Variants in ARSG observed in about 807,000 individuals in gnomAD.
ARSG encodes arylsulfatase G.
A neutral mutation model predicts 50.5 loss-of-function variants in ARSG; 37 were observed. The ratio of observed to expected loss-of-function variants is 0.73; its 90% CI spans 0.56 to 0.96. ARSG has a LOEUF of 0.96. Among genes scored for constraint, ARSG ranks in the 50% least tolerant of loss-of-function variants. The pLI is 0.00. For missense variants in ARSG, 629 were observed against 675.3 expected (o/e 0.93, Z 0.76); for synonymous variants, 225 against 254.6 (o/e 0.88, Z 1.11).
At chr17:68,408,694 C>T (rs1392672193) in intron 11 of ARSG, among the ~76,000 whole-genome samples, 3 of 151,988 alleles carry the variant, frequency 2.0e-5, no homozygotes, top group Non-Finnish European at 2.9e-5. Flanking sequence ...CCTGAGGAAT[C>T]GCCACACTGA....
Position 68,376,569 on chromosome 17 carries a change from G to A in ARSG, c.982+6045G>A, listed in dbSNP as rs542592960. ...GCCTCCCAAAATGTTGGGATTACAG[G>A]TGTGAGCCACTGCACCTGTCCTATG... On this transcript the variant is annotated intron_variant, in intron 8 of 11. Coordinates refer to ENST00000621439, the MANE Select transcript of ARSG (RefSeq NM_001267727.2). 4.3e-4 allele frequency among the ~76,000 whole-genome samples: 65 copies of A among 151,964 alleles called. No homozygotes were observed. The Middle Eastern group carries it at 0.01, about 24-fold the overall frequency.
At chr17:68,304,777 G>A (rs1016256086) in intron 1 of ARSG, among the ~76,000 whole-genome samples, 4 of 152,184 alleles carry the variant, frequency 2.6e-5, no homozygotes, top group East Asian at 3.8e-4. Context: ...TAATCCTTCC[G>A]CCTCGGCCTC....
At chr17:68,403,955 G>C (rs184188115) in intron 11 of ARSG, among the ~76,000 whole-genome samples, 326 of 152,058 alleles carry the variant, frequency 2.1e-3, no homozygotes, top group African/African-American at 7.3e-3. Flanking sequence ...GAGAACATGT[G>C]GTGTTTGTTT....
chr17:68,413,524 A>T (rs1468732297), intron 11 of ARSG: 1 of 152,098 alleles, frequency 6.6e-6, no homozygotes, highest in Non-Finnish European at 1.5e-5. Context: ...CAAAGCTGTC[A>T]GACAGGGACA....
chr17:68,275,808 C>G (rs1056278801), intron 1 of ARSG, among the ~76,000 whole-genome samples: 1 of 151,778 alleles, frequency 6.6e-6, no homozygotes, highest in Non-Finnish European at 1.5e-5. Flanking sequence ...AGCAAAACCC[C>G]GTCTCTACTA....
At chr17:68,351,771 G>A in intron 5 of ARSG, 85 bp downstream of exon 5, 2 of 880,562 alleles carry the variant, frequency 2.3e-6, no homozygotes, top group Non-Finnish European at 3.8e-6. Context: ...AATTAAAGAT[G>A]CAGACAGGAA....
In ARSG at chr17:68,420,308, T is replaced by A. The variant is rs1464297373; in HGVS notation, c.1423T>A (p.Tyr475Asn). The change falls in exon 12 of 12, where the codon TAC (tyrosine) becomes AAC (asparagine). Residue 475 changes from tyrosine (Y) to asparagine (N), a missense_variant. Physicochemically the swap from Tyr to Asn is moderately radical, Grantham distance 143 (BLOSUM62 -2). Transcript: ENST00000621439. ...AVPLERGGAE[Y>N]QAVLPEVRKV... The stretch of plus-strand genomic sequence containing the variant: ...GCCCCTAGAAAGAGGTGGTGCGGAG[T>A]ACCAGGCTGTGCTGCCCGAGGTCAG... The A allele has an allele frequency of 6.2e-7, 1 of 1,613,734 alleles. No individual in the cohort carries two copies. Among genetic ancestry groups the A allele is most frequent in the Non-Finnish European group, 8.5e-7 (1 of 1,179,980 alleles).
intron 2 of ARSG, among the ~76,000 whole-genome samples, chr17:68,342,361 T>G (rs2078307716): frequency 2.1e-5 from 3 of 144,250 alleles, no homozygotes; most frequent in Non-Finnish European, 3.1e-5. Flanking sequence ...TGTATGTGTT[T>G]TTTTTTTTTT....
chr17:68,449,510 A>G, the ARSG span, among the ~76,000 whole-genome samples: 4 of 152,328 alleles, frequency 2.6e-5, no homozygotes, highest in East Asian at 7.7e-4. Flanking sequence ...TGTAATCTTC[A>G]GTGTTGGAGG....
At chr17:68,435,727 G>A in the ARSG span, 2 of 1,612,750 alleles carry the variant, frequency 1.2e-6, no homozygotes, top group South Asian at 2.2e-5. Flanking sequence ...TGGTGAAAAG[G>A]AAAAATGGAT....
chr17:68,320,385 A>G (rs564393772), intron 2 of ARSG, among the ~76,000 whole-genome samples: 2 of 152,258 alleles, frequency 1.3e-5, no homozygotes, highest in East Asian at 3.9e-4. Flanking sequence ...ATTATCTGTT[A>G]AGACTTGAAT....
At chr17:68,413,235 T>C (rs2082122642) in intron 11 of ARSG, among the ~76,000 whole-genome samples, 1 of 152,274 alleles carries the variant, frequency 6.6e-6, no homozygotes, top group East Asian at 1.9e-4. Context: ...CTCTGTTTTT[T>C]CCCCATCTTT....
chr17:68,320,478 A>C (rs1392643268), intron 2 of ARSG, among the ~76,000 whole-genome samples: 4 of 152,120 alleles, frequency 2.6e-5, no homozygotes, highest in African/African-American at 7.2e-5. Context: ...GATTCCTAGG[A>C]TCTCCCTCGG....
chr17:68,325,287 A>G (rs562021011), intron 2 of ARSG, among the ~76,000 whole-genome samples: 1 of 151,834 alleles, frequency 6.6e-6, no homozygotes, highest in South Asian at 2.1e-4. Context: ...TCCTTATAAG[A>G]ATCTAATGCC....
In ARSG at chr17:68,378,012, G is replaced by A. The variant is rs999174665; in HGVS notation, c.983-7052G>A. Among the ~76,000 whole-genome samples the A allele has an allele frequency of 6.6e-6, 1 of 152,176 alleles. No individual in the cohort carries two copies. The highest frequency in any genetic ancestry group is 2.4e-5 in the African/African-American group (1 of 41,446). On this transcript the variant is annotated intron_variant, in intron 8 of 11. Coordinates refer to ENST00000621439, the MANE Select transcript of ARSG (RefSeq NM_001267727.2). The surrounding 1 kb of genome is among the most constrained non-coding windows in gnomAD (Gnocchi z 4.4). ...CTTCTTCTTCCTCAGTCTCCAAAGC[G>A]GCTTCCTGTCAACTAACTATTCCAC...
intron 2 of ARSG, among the ~76,000 whole-genome samples, chr17:68,326,672 A>G (rs1024884690): frequency 2.0e-5 from 3 of 152,166 alleles, no homozygotes; most frequent in Non-Finnish European, 2.9e-5. Context: ...TCTAAAAAAC[A>G]AACAAACAAA....
the ARSG span, chr17:68,429,082 G>T: frequency 6.4e-6 from 4 of 628,798 alleles, no homozygotes; most frequent in East Asian, 1.1e-4. Flanking sequence ...TGGGCTTCTG[G>T]CTATTCCTTT....
At chr17:68,363,766 C>T (rs1474904031) in intron 6 of ARSG, among the ~76,000 whole-genome samples, 2 of 151,880 alleles carry the variant, frequency 1.3e-5, no homozygotes, top group Non-Finnish European at 1.5e-5. Context: ...CGTGCCTGGC[C>T]GAGCCCTAGT....
At chr17:68,326,848 G>C (rs1555772634) in intron 2 of ARSG, among the ~76,000 whole-genome samples, 1 of 152,172 alleles carries the variant, frequency 6.6e-6, no homozygotes, top group African/African-American at 2.4e-5. Context: ...GTGGGTTGGG[G>C]TGGGTGGTTG....
Sources: allele counts gnomAD v4.1 joint callset (sites outside exome capture counted in the v4.1 genomes callset), GRCh38; gene constraint gnomAD v4.1.1; non-coding constraint Gnocchi (gnomAD v3.1); transcripts MANE v1.5; gene names NCBI Gene and HGNC (gene_info 2026-07-23, HGNC 2026-07-21).